The following MFSD6 variants were observed in gnomAD, a reference collection of about 807,000 sequenced individuals.
MFSD6 encodes the protein major facilitator superfamily domain-containing protein 6.
In MFSD6, 26 loss-of-function variants were observed where a neutral mutation model predicts 56.3. That is an observed-to-expected ratio of 0.46 (90% CI 0.34 to 0.64). MFSD6 has a LOEUF of 0.64. MFSD6 is among the 30% of genes least tolerant of loss of function. MFSD6 has a pLI of 0.01. For missense variants in MFSD6, 750 were observed against 986.2 expected (o/e 0.76, Z 3.21); for synonymous variants, 331 against 366.9 (o/e 0.90, Z 1.12).
intron 4 of MFSD6, among the ~76,000 whole-genome samples, chr2:190,473,021 C>T (rs1366634896): frequency 4.6e-5 from 7 of 152,136 alleles, no homozygotes; most frequent in Non-Finnish European, 1.0e-4. Flanking sequence ...AAATACTTTA[C>T]AGACAAGCAA....
intron 4 of MFSD6, among the ~76,000 whole-genome samples, chr2:190,476,283 G>T (rs1404441195): frequency 6.6e-6 from 1 of 152,094 alleles, no homozygotes; most frequent in Non-Finnish European, 1.5e-5. Flanking sequence ...CTACAGAATG[G>T]GAGAAAATTT....
chr2:190,423,514 T>G lies in MFSD6; in HGVS notation c.-54+8101T>G, dbSNP rs556975249. Among the ~76,000 whole-genome samples the G allele has an allele frequency of 6.6e-6, 1 of 152,358 alleles. No homozygotes were observed. The highest frequency in any genetic ancestry group is 2.4e-5 in the African/African-American group (1 of 41,588). The stretch of plus-strand genomic sequence containing the variant: ...ATCCCATAGTAAAGCTGTAGTACAA[T>G]TTGTTTAATTAGTCCTTCCATCCTT... On this transcript the variant is annotated intron_variant, in intron 2 of 7. Transcript: ENST00000392328. The surrounding 1 kb of genome is among the most constrained non-coding windows in gnomAD (Gnocchi z 4.3).
chr2:190,470,757 T>A (rs62181026), intron 4 of MFSD6, among the ~76,000 whole-genome samples: 35,526 of 152,164 alleles, frequency 0.23, 5,084 homozygotes, highest in South Asian at 0.34. Context: ...TTCAGTCTTT[T>A]AAAATGAAAG....
intron 6 of MFSD6, among the ~76,000 whole-genome samples, chr2:190,493,110 A>G (rs1387761744): frequency 6.6e-6 from 1 of 152,104 alleles, no homozygotes. Context: ...GAATTCACCA[A>G]CCAAGTATCT....
Position 190,493,571 on chromosome 2 carries a change from G to T in MFSD6, c.1891+3705G>T, listed in dbSNP as rs143876229. On this transcript the variant is annotated intron_variant, in intron 6 of 7. Coordinates refer to ENST00000392328, the MANE Select transcript of MFSD6 (RefSeq NM_017694.4). ...CAGAACATTCTACCCAACAACTGCA[G>T]AATATTCATCAGTGCATGGAACTTT... 2.2e-4 allele frequency among the ~76,000 whole-genome samples: 34 copies of T among 152,038 alleles called. No homozygotes were observed. In the East Asian group the frequency reaches 6.2e-3, roughly 28 times the overall value.
intron 4 of MFSD6, among the ~76,000 whole-genome samples, chr2:190,479,178 G>A (rs1249050439): frequency 3.9e-5 from 6 of 152,306 alleles, no homozygotes; most frequent in Non-Finnish European, 8.8e-5. Context: ...GGGGATCAAG[G>A]TAAGACTACT....
rs1389059208 is a variant in MFSD6 at position 190,413,903 on chromosome 2, A to AGTGG, written c.-175-1386_-175-1383dup. On this transcript the variant is annotated intron_variant, in intron 1 of 7. Coordinates refer to ENST00000392328, the MANE Select transcript of MFSD6 (RefSeq NM_017694.4). The surrounding 1 kb of genome is among the most constrained non-coding windows in gnomAD (Gnocchi z 4.1). ...AACTGAGCACTGGAGCAGTGGCAGGAGTGGGTCCCTGTGAGTCACGCTGGG... is the reference window on the plus strand; with the variant it reads ...AACTGAGCACTGGAGCAGTGGCAGGAGTGGGTGGGTCCCTGTGAGTCACGCTGGG... 6.6e-6 allele frequency among the ~76,000 whole-genome samples: 1 copy of AGTGG among 152,160 alleles called. No individual in the cohort carries two copies. Among genetic ancestry groups the AGTGG allele is most frequent in the Admixed American group, 6.5e-5 (1 of 15,282 alleles).
chr2:190,424,352 T>G lies in MFSD6; in HGVS notation c.-54+8939T>G, dbSNP rs1685725465. 6.6e-6 allele frequency among the ~76,000 whole-genome samples: 1 copy of G among 152,154 alleles called. No individual in the cohort carries two copies. Among genetic ancestry groups the G allele is most frequent in the South Asian group, 2.1e-4 (1 of 4,832 alleles). On this transcript the variant is annotated intron_variant, in intron 2 of 7. Transcript: ENST00000392328. This position sits in a 1 kb window ranked among gnomAD's most constrained non-coding sequence, Gnocchi z 5.9. ...TTGAGGTTATTTATTTATTTTTTTT[T>G]CAGACAGAGTTTCACTCTTATTGCC...
chr2:190,439,221 T>C lies in MFSD6; in HGVS notation c.1532+1660T>C, dbSNP rs968276445. On this transcript the variant is annotated intron_variant, in intron 3 of 7. Transcript: ENST00000392328. The surrounding 1 kb of genome is among the most constrained non-coding windows in gnomAD (Gnocchi z 5.8). ...AATAATGTCTTTAAAATCACTGTTATTCATTCCCAGAAAGGTACCCAGTTA... is the reference window on the plus strand; with the variant it reads ...AATAATGTCTTTAAAATCACTGTTACTCATTCCCAGAAAGGTACCCAGTTA... 2.6e-5 allele frequency among the ~76,000 whole-genome samples: 4 copies of C among 151,986 alleles called. No homozygotes were observed. The highest frequency in any genetic ancestry group is 5.9e-5 in the Non-Finnish European group (4 of 68,002).
rs1002221448 is a variant in MFSD6, at chr2:190,438,377, A to T, written c.1532+816A>T. ...CTAAAAATACAAAAGTTAGCCGGGC[A>T]TGGTGGCACGCACCCGTAGTCCCAG... On this transcript the variant is annotated intron_variant, in intron 3 of 7. Transcript: ENST00000392328. This position sits in a 1 kb window ranked among gnomAD's most constrained non-coding sequence, Gnocchi z 5.2. Among the ~76,000 whole-genome samples, 20 of 152,132 alleles carry T rather than the reference A, an allele frequency of 1.3e-4. No individual in the cohort carries two copies.
rs1211452979 is a variant in MFSD6, at chr2:190,457,568, A to G, written c.1533-12190A>G. Among the ~76,000 whole-genome samples the G allele has an allele frequency of 6.6e-6, 1 of 152,204 alleles. No individual in the cohort carries two copies. Among genetic ancestry groups the G allele is most frequent in the Non-Finnish European group, 1.5e-5 (1 of 68,038 alleles). ...AGAGAATTTTATTTCCTTGAAGCCA[A>G]TTGACCTGAATGGAAGTTAGGACCC... On this transcript the variant is annotated intron_variant, in intron 3 of 7. Coordinates refer to ENST00000392328, the MANE Select transcript of MFSD6 (RefSeq NM_017694.4). This position sits in a 1 kb window ranked among gnomAD's most constrained non-coding sequence, Gnocchi z 5.1.
chr2:190,477,825 A>G lies in MFSD6; in HGVS notation c.1630+7970A>G, dbSNP rs1235252783. ...CCTAAGGAGAATAATTAACTTTGTG[A>G]AGCAGGGAGTGGGAGGATGAAGACT... On this transcript the variant is annotated intron_variant, in intron 4 of 7. Transcript: ENST00000392328. Among the ~76,000 whole-genome samples, 5 of 152,324 alleles carry G rather than the reference A, an allele frequency of 3.3e-5. No homozygotes were observed. In the South Asian group the frequency reaches 1.0e-3, roughly 32 times the overall value.
Position 190,425,268 on chromosome 2 carries a change from T to C in MFSD6, c.-54+9855T>C, listed in dbSNP as rs888535265. Among the ~76,000 whole-genome samples, 1 of 152,234 alleles carries C rather than the reference T, an allele frequency of 6.6e-6. No homozygotes were observed. Among genetic ancestry groups the C allele is most frequent in the East Asian group, 1.9e-4 (1 of 5,202 alleles). ...AGGTTTCTTGGGATTTTCTACCTAG[T>C]CATGTTAACTGCAAATAGGGACAGT... On this transcript the variant is annotated intron_variant, in intron 2 of 7. Transcript: ENST00000392328. This position sits in a 1 kb window ranked among gnomAD's most constrained non-coding sequence, Gnocchi z 4.3.
intron 4 of MFSD6, among the ~76,000 whole-genome samples, chr2:190,470,686 C>T (rs759784829): frequency 2.6e-4 from 40 of 152,016 alleles, no homozygotes; most frequent in Non-Finnish European, 5.7e-4. Flanking sequence ...TTTCCCTTAC[C>T]CTAAGGAGAC....
intron 2 of MFSD6, among the ~76,000 whole-genome samples, chr2:190,419,439 C>T (rs561178389): frequency 6.6e-6 from 1 of 152,362 alleles, no homozygotes; most frequent in East Asian, 1.9e-4. Flanking sequence ...TGCTTCGCAG[C>T]TTCAGCCCTC....
Position 190,499,725 on chromosome 2 carries a change from G to A in MFSD6, c.2173-290G>A. The A allele has an allele frequency of 8.3e-6, 10 of 1,201,586 alleles. No individual in the cohort carries two copies. The highest frequency in any genetic ancestry group is 2.1e-4 in the Middle Eastern group (1 of 4,674). 74.4% of individuals were successfully genotyped at this position (1,201,586 alleles called of 1,614,324 possible). On this transcript the variant is annotated intron_variant, in intron 7 of 7. Coordinates refer to ENST00000392328, the MANE Select transcript of MFSD6 (RefSeq NM_017694.4). The surrounding 1 kb of genome is among the most constrained non-coding windows in gnomAD (Gnocchi z 6.0). ...TTGGGGGGCTCAGTAAATATTTGCTGATGTAAACTGTTTACCAAGTACTAA... is the reference window on the plus strand; with the variant it reads ...TTGGGGGGCTCAGTAAATATTTGCTAATGTAAACTGTTTACCAAGTACTAA...
chr2:190,491,994 CACTT>C lies in MFSD6; in HGVS notation c.1891+2131_1891+2134del, dbSNP rs1370130141. On this transcript the variant is annotated intron_variant, in intron 6 of 7. Coordinates refer to ENST00000392328, the MANE Select transcript of MFSD6 (RefSeq NM_017694.4). This position sits in a 1 kb window ranked among gnomAD's most constrained non-coding sequence, Gnocchi z 4.2. ...TTACAACTTCAGGAAATAAAGGACA[CACTT>C]ACAGAAATGCAAAATGTTCTGGAAA... 1.3e-5 allele frequency among the ~76,000 whole-genome samples: 2 copies of C among 152,144 alleles called. No homozygotes were observed. Among genetic ancestry groups the C allele is most frequent in the Non-Finnish European group, 2.9e-5 (2 of 68,032 alleles).
rs1209391748 is a variant in MFSD6 at position 190,418,539 on chromosome 2, T to TGA, written c.-54+3128_-54+3129dup. Among the ~76,000 whole-genome samples, 1 of 152,042 alleles carries TGA rather than the reference T, an allele frequency of 6.6e-6. No homozygotes were observed. The highest frequency in any genetic ancestry group is 1.9e-4 in the East Asian group (1 of 5,172). ...AGGAGGCTGAGGCAAATGGATCACT[T>TGA]GAGCCCAGGAGTTCAAGACCAGCCT... is the stretch of plus-strand genomic sequence containing the variant. On this transcript the variant is annotated intron_variant, in intron 2 of 7. Coordinates refer to ENST00000392328, the MANE Select transcript of MFSD6 (RefSeq NM_017694.4). The surrounding 1 kb of genome is among the most constrained non-coding windows in gnomAD (Gnocchi z 4.1).
intron 3 of MFSD6, among the ~76,000 whole-genome samples, chr2:190,460,790 A>G (rs1483001625): frequency 6.6e-6 from 1 of 152,170 alleles, no homozygotes; most frequent in African/African-American, 2.4e-5. Flanking sequence ...GAGTGAGTCC[A>G]TTTGTCATCC....
Sources: allele counts gnomAD v4.1 joint callset (sites outside exome capture counted in the v4.1 genomes callset), GRCh38; gene constraint gnomAD v4.1.1; non-coding constraint Gnocchi (gnomAD v3.1); transcripts MANE v1.5; gene names NCBI Gene and HGNC (gene_info 2026-07-23, HGNC 2026-07-21).